CDC14B: variants seen among roughly 807,000 people sequenced by gnomAD.
CDC14B encodes dual specificity protein phosphatase CDC14B.
CDC14B carries 22 observed loss-of-function variants against 64.2 expected under a neutral mutation model. The ratio of observed to expected loss-of-function variants is 0.34; its 90% confidence interval spans 0.24 to 0.49. CDC14B has a LOEUF of 0.49. Among genes scored for constraint, CDC14B ranks in the 20% least tolerant of loss-of-function variants. CDC14B has a pLI of 0.99. For synonymous variants in CDC14B, 191 were observed against 215.8 expected, an observed-to-expected ratio of 0.89 and a Z score of 1.01; for missense variants, 498 against 629.9, an observed-to-expected ratio of 0.79 and a Z score of 2.24.
At chr9:96,546,823 G>T (rs1200166302) in intron 5 of CDC14B, among the ~76,000 whole-genome samples, 2 of 151,868 alleles carry the variant, frequency 1.3e-5, no homozygotes, top group African/African-American at 2.4e-5. Context: ...AGCACTTTGG[G>T]AACCTGAGGC....
chr9:96,566,898 A>G, intron 1 of CDC14B: 1 of 1,549,326 alleles, frequency 6.5e-7, no homozygotes, highest in South Asian at 1.2e-5. Flanking sequence ...ACACCCCCGA[A>G]GTTTAAAAAA....
rs1318524163 is a variant in CDC14B at position 96,533,933 on chromosome 9, A to G, written c.940T>C (p.Cys314Arg). 6.2e-7 allele frequency: 1 copy of G among 1,606,018 alleles called. No individual in the cohort carries two copies. Among genetic ancestry groups the G allele is most frequent in the Middle Eastern group, 1.7e-4 (1 of 6,036 alleles). Reference protein sequence around the residue: ...ENAEGAIAVHCKAGLGRTGTL... With the variant: ...ENAEGAIAVHRKAGLGRTGTL... ...ACCACCCCTAGAAACATACCTTTGC[A>G]ATGTACTGCAATGGCACCCTCAGCA... The change falls in exon 9 of 14, where the codon TGC becomes CGC. Residue 314 changes from cysteine (C) to arginine (R), a missense_variant. Coordinates refer to ENST00000375241, the MANE Select transcript of CDC14B (RefSeq NM_033331.4).
intron 12 of CDC14B, among the ~76,000 whole-genome samples, chr9:96,516,207 G>A (rs1334908381): frequency 6.6e-6 from 1 of 152,158 alleles, no homozygotes. Flanking sequence ...CCCCAGACTA[G>A]TTAACAAAAT....
At chr9:96,514,523 G>A (rs1835348543) in intron 12 of CDC14B, 3 of 985,290 alleles carry the variant, frequency 3.0e-6, no homozygotes, top group Non-Finnish European at 2.4e-6. Flanking sequence ...ATTCTGAAGA[G>A]TGAAATCAGC....
chr9:96,516,763 A>C (rs1226073371), intron 12 of CDC14B, among the ~76,000 whole-genome samples: 1 of 151,926 alleles, frequency 6.6e-6, no homozygotes, highest in Non-Finnish European at 1.5e-5. Context: ...GGCGTGAGCC[A>C]TCGCACCTGA....
At chr9:96,568,064 TAAG>T (rs924687442) in intron 1 of CDC14B, among the ~76,000 whole-genome samples, 5 of 152,206 alleles carry the variant, frequency 3.3e-5, no homozygotes, top group Non-Finnish European at 5.9e-5. Flanking sequence ...TTGTTATAGA[TAAG>T]AAGGTGCTGG....
intron 4 of CDC14B, among the ~76,000 whole-genome samples, chr9:96,560,152 C>T (rs576464585): frequency 6.6e-6 from 1 of 152,270 alleles, no homozygotes; most frequent in East Asian, 1.9e-4. Context: ...CGCTGTAGTC[C>T]TCGTGCCTGG....
chr9:96,521,720 A>C (rs16911058), intron 12 of CDC14B, among the ~76,000 whole-genome samples: 123 of 152,328 alleles, frequency 8.1e-4, no homozygotes, highest in African/African-American at 2.8e-3. Context: ...TACTGAATAA[A>C]TGATCTATGT....
chr9:96,551,047 T>G (rs1841730087), intron 5 of CDC14B, among the ~76,000 whole-genome samples: 1 of 150,344 alleles, frequency 6.7e-6, no homozygotes, highest in African/African-American at 2.4e-5. Flanking sequence ...CACTCCTCAG[T>G]GGTAGTTTTG....
At chr9:96,591,464 G>T (rs1316192863) in intron 1 of CDC14B, among the ~76,000 whole-genome samples, 2 of 152,004 alleles carry the variant, frequency 1.3e-5, no homozygotes, top group Non-Finnish European at 2.9e-5. Context: ...GTATCATACT[G>T]CTTTGATTAC....
rs1166499051 is a variant in CDC14B, at chr9:96,570,046, ACTT to A, written c.161-4566_161-4564del. Among the ~76,000 whole-genome samples the A allele has an allele frequency of 1.1e-4, 16 of 152,256 alleles. 1 individual carries two copies. The East Asian group carries it at 2.3e-3, about 22-fold the overall frequency. The stretch of plus-strand genomic sequence containing the variant: ...ATCCCTGTCGCACCACATCATCACT[ACTT>A]CTTCTTTGAGTAACATGATATAGGA... On this transcript the variant is annotated intron_variant, in intron 1 of 13. Coordinates refer to ENST00000375241, the MANE Select transcript of CDC14B (RefSeq NM_033331.4).
At chr9:96,570,720 G>A (rs1027133396) in intron 1 of CDC14B, among the ~76,000 whole-genome samples, 7 of 152,168 alleles carry the variant, frequency 4.6e-5, no homozygotes, top group African/African-American at 1.4e-4. Context: ...GATAACCAAC[G>A]ATGATGGAGA....
intron 9 of CDC14B, among the ~76,000 whole-genome samples, chr9:96,524,447 T>C (rs1045849951): frequency 6.6e-6 from 1 of 152,260 alleles, no homozygotes; most frequent in African/African-American, 2.4e-5. Context: ...ATTTTGCACT[T>C]ACTCCCACAT....
At chr9:96,521,875 T>C (rs1836781039) in intron 12 of CDC14B, among the ~76,000 whole-genome samples, 1 of 152,234 alleles carries the variant, frequency 6.6e-6, no homozygotes, top group African/African-American at 2.4e-5. Context: ...CATGGTCATG[T>C]ACTTTGCTTC....
At chr9:96,588,283 A>G (rs1436805559) in intron 1 of CDC14B, among the ~76,000 whole-genome samples, 1 of 152,028 alleles carries the variant, frequency 6.6e-6, no homozygotes, top group Non-Finnish European at 1.5e-5. Flanking sequence ...ACAACAACAC[A>G]TTTCCACAGC....
chr9:96,514,823 G>T, intron 12 of CDC14B: 1 of 985,432 alleles, frequency 1.0e-6, no homozygotes, highest in African/African-American at 1.7e-5. Context: ...TCCACAAGTG[G>T]GCCTCTTGTA....
chr9:96,506,454 G>C (rs1834141001), intron 13 of CDC14B, among the ~76,000 whole-genome samples: 1 of 152,142 alleles, frequency 6.6e-6, no homozygotes, highest in Non-Finnish European at 1.5e-5. Flanking sequence ...GTGGATAACA[G>C]GTAGGGTGAT....
chr9:96,509,872 T>A, intron 12 of CDC14B, 83 bp from the exon 13 acceptor site: 1 of 806,926 alleles, frequency 1.2e-6, no homozygotes, highest in Non-Finnish European at 2.0e-6. Context: ...TTTTGCACTT[T>A]AGTGCAAATT....
At chr9:96,579,873 C>T (rs1041804811) in intron 1 of CDC14B, among the ~76,000 whole-genome samples, 7 of 151,926 alleles carry the variant, frequency 4.6e-5, no homozygotes, top group East Asian at 3.8e-4. Flanking sequence ...AACTGTGAGG[C>T]GGACAGAGGA....
Sources: gnomAD v4.1 joint callset for allele counts (sites outside exome capture counted in the v4.1 genomes callset) on GRCh38, gnomAD v4.1.1 for gene constraint, MANE v1.5 for transcripts, NCBI Gene and HGNC (gene_info 2026-07-23, HGNC 2026-07-21) for gene names.